Variants in RGS6 observed in about 807,000 individuals in gnomAD.
RGS6 encodes regulator of G protein signaling 6, also known as regulator of G-protein signaling 6.
RGS6 carries 30 observed loss-of-function variants against 78.5 expected under a neutral mutation model. The observed-to-expected ratio is 0.38, with a 90% CI of 0.29 to 0.52. The LOEUF (loss-of-function observed/expected upper bound fraction) is 0.52. Among genes scored for constraint, RGS6 ranks in the 20% least tolerant of loss-of-function variants. The pLI is 0.85. For synonymous variants in RGS6, 206 were observed against 206.0 expected (o/e 1.00, Z 0.00); for missense variants, 495 against 609.7 (o/e 0.81, Z 1.98).
chr14:72,560,932 G>A (rs549042894), intron 17 of RGS6, among the ~76,000 whole-genome samples: 3 of 152,012 alleles, frequency 2.0e-5, no homozygotes, highest in African/African-American at 7.2e-5. Context: ...GAGAGGTAGG[G>A]AAAGGCAGAC....
At chr14:72,137,850 G>A (rs1223612896) in intron 2 of RGS6, among the ~76,000 whole-genome samples, 3 of 152,096 alleles carry the variant, frequency 2.0e-5, no homozygotes, top group East Asian at 3.9e-4. Context: ...TCATCACATA[G>A]GCACAATTGT....
At chr14:72,161,192 A>G (rs2096847952) in intron 2 of RGS6, among the ~76,000 whole-genome samples, 2 of 152,196 alleles carry the variant, frequency 1.3e-5, no homozygotes, top group African/African-American at 2.4e-5. Context: ...CAATGAGAAC[A>G]CATGAGCACA....
chr14:72,558,274 G>A (rs556167264), intron 17 of RGS6, among the ~76,000 whole-genome samples: 1 of 152,230 alleles, frequency 6.6e-6, no homozygotes, highest in East Asian at 1.9e-4. Flanking sequence ...CTCATCAGAA[G>A]CTCAGATGTC....
chr14:72,315,330 T>C (rs891087873), intron 2 of RGS6, among the ~76,000 whole-genome samples: 1 of 152,258 alleles, frequency 6.6e-6, no homozygotes, highest in Admixed American at 6.5e-5. Context: ...TACACTGGCT[T>C]CTTCCTTTTT....
At position 72,371,264 on chromosome 14, in the gene RGS6, C is replaced by T. The variant is rs553457292; in HGVS notation, c.184+19070C>T. ...AAAGCAAAGGCATATCTCTGATGCT[C>T]CTGGCCTTTGTGTCATTAAAATCTT... On this transcript the variant is annotated intron_variant, in intron 3 of 17. Coordinates refer to ENST00000553525, the MANE Select transcript of RGS6 (RefSeq NM_001204424.2). Among the ~76,000 whole-genome samples, 6 of 152,258 alleles carry T rather than the reference C, an allele frequency of 3.9e-5. No individual in the cohort carries two copies. In the South Asian group the frequency reaches 1.0e-3, roughly 26 times the overall value.
chr14:72,047,200 G>A (rs2092917116), intron 2 of RGS6, among the ~76,000 whole-genome samples: 1 of 152,140 alleles, frequency 6.6e-6, no homozygotes, highest in African/African-American at 2.4e-5. Context: ...GTAATCTACT[G>A]GATACTCTCA....
At chr14:71,965,633 T>C (rs1189744113) in intron 2 of RGS6, among the ~76,000 whole-genome samples, 1 of 152,196 alleles carries the variant, frequency 6.6e-6, no homozygotes, top group African/African-American at 2.4e-5. Flanking sequence ...GATGTTAGTG[T>C]TGAATTAGAC....
At chr14:71,975,679 G>C (rs991741039) in intron 2 of RGS6, among the ~76,000 whole-genome samples, 5 of 152,082 alleles carry the variant, frequency 3.3e-5, no homozygotes, top group African/African-American at 9.7e-5. Flanking sequence ...GGATGGTCTC[G>C]ATCTCTTGAC....
intron 2 of RGS6, among the ~76,000 whole-genome samples, chr14:71,978,620 A>G (rs1422628692): frequency 7.2e-6 from 1 of 138,312 alleles, no homozygotes; most frequent in Non-Finnish European, 1.6e-5. Context: ...AGCCCACTTG[A>G]TCATGGTGGA....
chr14:72,006,532 A>AT (rs1364778740), intron 2 of RGS6, among the ~76,000 whole-genome samples: 1 of 152,224 alleles, frequency 6.6e-6, no homozygotes, highest in Non-Finnish European at 1.5e-5. Flanking sequence ...GCAAGAGCTA[A>AT]TAAAAAATGG....
chr14:72,355,193 T>G (rs1596188856), intron 3 of RGS6, among the ~76,000 whole-genome samples: 1 of 150,388 alleles, frequency 6.6e-6, no homozygotes, highest in Non-Finnish European at 1.5e-5. Context: ...AAATTTCCTC[T>G]GGTTCTTTTT....
At position 72,295,583 on chromosome 14, in the gene RGS6, C is replaced by T. The variant is rs115718429; in HGVS notation, c.85-56512C>T. Among the ~76,000 whole-genome samples the T allele has an allele frequency of 2.6e-3, 398 of 152,196 alleles. 2 individuals are homozygous for T. Among genetic ancestry groups the T allele is most frequent in the African/African-American group, 9.2e-3 (383 of 41,518 alleles). On this transcript the variant is annotated intron_variant, in intron 2 of 17. Transcript: ENST00000553525. Reference sequence around the variant, plus strand: ...TAATCTTAGGTGACAACATTTTTTACCAGGTTTTGTTGGTATAAAACACCC... The same window carrying T: ...TAATCTTAGGTGACAACATTTTTTATCAGGTTTTGTTGGTATAAAACACCC...
intron 2 of RGS6, among the ~76,000 whole-genome samples, chr14:72,071,891 A>C (rs529214255): frequency 1.0e-3 from 152 of 152,378 alleles, no homozygotes; most frequent in African/African-American, 3.5e-3. Context: ...TCTGTGTTAT[A>C]GGCCACATCA....
At chr14:72,474,720 TA>T (rs1482178695) in intron 10 of RGS6, 21 bp downstream of exon 10, 2 of 1,602,336 alleles carry the variant, frequency 1.2e-6, no homozygotes, top group African/African-American at 1.3e-5. Context: ...TTAGCTGAGT[TA>T]AAAATTCCTG....
intron 2 of RGS6, among the ~76,000 whole-genome samples, chr14:72,336,251 T>C (rs1402064): frequency 0.35 from 53,113 of 152,056 alleles, 9,870 homozygotes; most frequent in African/African-American, 0.48. Flanking sequence ...AATGAAAGAC[T>C]ACTCTAATCA....
intron 2 of RGS6, among the ~76,000 whole-genome samples, chr14:72,180,346 G>A (rs1224569241): frequency 6.6e-6 from 1 of 152,202 alleles, no homozygotes; most frequent in Non-Finnish European, 1.5e-5. Context: ...TGTTGGAATT[G>A]AATATAAGAG....
At chr14:72,014,206 T>C (rs1305835526) in intron 2 of RGS6, among the ~76,000 whole-genome samples, 1 of 152,190 alleles carries the variant, frequency 6.6e-6, no homozygotes, top group East Asian at 1.9e-4. Flanking sequence ...GCCTTGACTC[T>C]GATATTGGAT....
upstream of RGS6, among the ~76,000 whole-genome samples, chr14:71,931,754 G>A (rs889050353): frequency 6.6e-6 from 1 of 152,168 alleles, no homozygotes; most frequent in Non-Finnish European, 1.5e-5. Flanking sequence ...CCACGTTAAA[G>A]AAAGGCATCA....
chr14:72,101,521 C>T (rs979802916), intron 2 of RGS6, among the ~76,000 whole-genome samples: 3 of 152,050 alleles, frequency 2.0e-5, no homozygotes, highest in African/African-American at 7.3e-5. Flanking sequence ...GTGTCTGTAG[C>T]TGTGGCAGGA....
Sources: gnomAD v4.1 joint callset for allele counts (sites outside exome capture counted in the v4.1 genomes callset) on GRCh38, gnomAD v4.1.1 for gene constraint, MANE v1.5 for transcripts, NCBI Gene and HGNC (gene_info 2026-07-23, HGNC 2026-07-21) for gene names.